TRIP11: variants seen among roughly 807,000 people sequenced by gnomAD.
TRIP11 encodes the protein thyroid receptor-interacting protein 11.
In TRIP11, 148 loss-of-function variants were observed where a neutral mutation model predicts 223.1. That is an observed-to-expected ratio of 0.66 (90% confidence interval 0.58 to 0.76). The LOEUF (loss-of-function observed/expected upper bound fraction) is 0.76, where lower values mean the gene tolerates loss of function less well. Among genes scored for constraint, TRIP11 ranks in the 30% least tolerant of loss-of-function variants. TRIP11 has a pLI of 0.00. For synonymous variants in TRIP11, 762 were observed against 772.6 expected, an observed-to-expected ratio of 0.99 and a Z score of 0.23; for missense variants, 2,043 against 2,222.0, an observed-to-expected ratio of 0.92 and a Z score of 1.62.
At chr14:92,017,294 C>T (rs1566867603) in intron 5 of TRIP11, among the ~76,000 whole-genome samples, 4 of 152,192 alleles carry the variant, frequency 2.6e-5, no homozygotes, top group East Asian at 1.9e-4. Context: ...GGAATCCCAG[C>T]GTTGTGGGAG....
Position 91,978,758 on chromosome 14 carries a change from CAA to C in TRIP11, c.5261-2571_5261-2570del, listed in dbSNP as rs1308001493. On this transcript the variant is annotated intron_variant, in intron 16 of 20. Coordinates refer to ENST00000267622, the MANE Select transcript of TRIP11 (RefSeq NM_004239.4). This position sits in a 1 kb window ranked among gnomAD's most constrained non-coding sequence, Gnocchi z 4.4. Reference sequence around the variant, plus strand: ...AAGTAATTCTCCTGCCATAGCCTTCCAAAATGTTGGGATTACAAGTGTGAGCC... The same window carrying C: ...AAGTAATTCTCCTGCCATAGCCTTCCAATGTTGGGATTACAAGTGTGAGCC... Among the ~76,000 whole-genome samples the C allele has an allele frequency of 1.3e-5, 2 of 152,104 alleles. No homozygotes were observed. Among genetic ancestry groups the C allele is most frequent in the Non-Finnish European group, 2.9e-5 (2 of 68,014 alleles).
In TRIP11 at chr14:92,035,585, A is replaced by ATTTAT. The variant is rs1555389786; in HGVS notation, c.140-2333_140-2332insATAAA. On this transcript the variant is annotated intron_variant, in intron 1 of 20. Coordinates refer to ENST00000267622, the MANE Select transcript of TRIP11 (RefSeq NM_004239.4). ...TCATTTTTTATTTATTTATTTATTT[A>ATTTAT]TTTTTTTTTTGAGACAGAGTCTCGC... is the stretch of plus-strand genomic sequence containing the variant. Among the ~76,000 whole-genome samples, 608 of 137,982 alleles carry ATTTAT rather than the reference A, an allele frequency of 4.4e-3. 6 individuals carry two copies. The highest frequency in any genetic ancestry group is 0.016 in the African/African-American group (587 of 37,070). 90.5% of individuals were successfully genotyped at this position (137,982 alleles called of 152,430 possible).
intron 1 of TRIP11, among the ~76,000 whole-genome samples, chr14:92,035,987 C>A (rs1039633576): frequency 6.6e-6 from 1 of 152,172 alleles, no homozygotes; most frequent in Non-Finnish European, 1.5e-5. Context: ...ACAGGTTGGA[C>A]AAGCTTGGTT....
In TRIP11 at chr14:92,021,715, T is replaced by C. The variant is rs772649812; in HGVS notation, c.429A>G (p.Ser143=). The C allele has an allele frequency of 6.2e-7, 1 of 1,614,208 alleles. No homozygotes were observed. The highest frequency in any genetic ancestry group is 1.7e-5 in the Admixed American group (1 of 60,024). Residue 143 remains serine, a synonymous_variant, in exon 4 of 21, where the codon TCA becomes TCG. Coordinates refer to ENST00000267622, the MANE Select transcript of TRIP11 (RefSeq NM_004239.4). Reference sequence around the variant, plus strand: ...GACTAATCCCATAAGCGAATGAAGATGATGCAGTGGTTGCTGGTACACCAG... The same window carrying C: ...GACTAATCCCATAAGCGAATGAAGACGATGCAGTGGTTGCTGGTACACCAG... ...SGAGVPATTA[S]SSFAYGISHH... is the part of the protein sequence containing the mutation.
intron 15 of TRIP11, among the ~76,000 whole-genome samples, chr14:91,992,883 T>C (rs1404385583): frequency 2.7e-5 from 3 of 112,566 alleles, no homozygotes; most frequent in Admixed American, 2.9e-4. Flanking sequence ...CACTCCAGCA[T>C]GGGCAACAGA....
intron 16 of TRIP11, among the ~76,000 whole-genome samples, chr14:91,983,934 CTTTTA>C (rs1159402894): frequency 6.6e-6 from 1 of 152,190 alleles, no homozygotes; most frequent in African/African-American, 2.4e-5. Context: ...TTTTAAGCTT[CTTTTA>C]TATCTGTAGC....
At chr14:92,038,170 G>A (rs1355260059) in intron 1 of TRIP11, among the ~76,000 whole-genome samples, 1 of 152,196 alleles carries the variant, frequency 6.6e-6, no homozygotes, top group Non-Finnish European at 1.5e-5. Context: ...AGGAAACTGA[G>A]AGTGAAGCTA....
intron 11 of TRIP11, 95 bp downstream of exon 11, chr14:92,003,324 C>T (rs1227232709): frequency 3.3e-6 from 5 of 1,496,626 alleles, no homozygotes; most frequent in Non-Finnish European, 4.6e-6. Context: ...TGAACAAATG[C>T]ACAGTCCCCT....
chr14:92,009,949 G>A (rs969587773), intron 9 of TRIP11, among the ~76,000 whole-genome samples: 1 of 152,166 alleles, frequency 6.6e-6, no homozygotes, highest in Non-Finnish European at 1.5e-5. Context: ...TGTACTATCC[G>A]AAGGTTTTCA....
chr14:92,039,732 C>T lies in TRIP11; in HGVS notation c.-47G>A. 1 of 1,582,082 alleles carries T rather than the reference C, an allele frequency of 6.3e-7. No individual in the cohort carries two copies. On this transcript the variant is annotated 5_prime_UTR_variant, in exon 1 of 21. Transcript: ENST00000267622. Reference sequence around the variant, plus strand: ...CCCGGTCCGCTCGGAAAAAAGAAAACGTTTAGCGCCGCCGGGCGATCCGAC... The same window carrying T: ...CCCGGTCCGCTCGGAAAAAAGAAAATGTTTAGCGCCGCCGGGCGATCCGAC...
chr14:91,972,412 C>T (rs2056411253), intron 20 of TRIP11, among the ~76,000 whole-genome samples: 1 of 152,214 alleles, frequency 6.6e-6, no homozygotes, highest in Admixed American at 6.5e-5. Context: ...AATTCCCCAT[C>T]ACTTCCAGAG....
intron 8 of TRIP11, among the ~76,000 whole-genome samples, chr14:92,011,420 G>A (rs2056970549): frequency 6.7e-6 from 1 of 149,300 alleles, no homozygotes; most frequent in Non-Finnish European, 1.5e-5. Context: ...GAACCTGGGA[G>A]GTGGAGGTTG....
intron 11 of TRIP11, among the ~76,000 whole-genome samples, chr14:92,002,234 T>A (rs1222432684): frequency 6.6e-6 from 1 of 152,182 alleles, no homozygotes; most frequent in Non-Finnish European, 1.5e-5. Context: ...CAGGAAATCC[T>A]CAATAATTCT....
At chr14:92,003,086 G>C (rs1227063319) in intron 11 of TRIP11, among the ~76,000 whole-genome samples, 2 of 152,122 alleles carry the variant, frequency 1.3e-5, no homozygotes, top group Non-Finnish European at 2.9e-5. Context: ...AATGTTAACA[G>C]CTACTGTAAT....
intron 13 of TRIP11, 58 bp downstream of exon 13, chr14:91,999,182 G>A (rs1418968685): frequency 1.9e-6 from 3 of 1,554,536 alleles, no homozygotes; most frequent in Admixed American, 3.4e-5. Flanking sequence ...AATACTTACT[G>A]AGTCTGATAT....
At chr14:92,010,790 C>T (rs559045270) in intron 9 of TRIP11, among the ~76,000 whole-genome samples, 196 bp downstream of exon 9, 2 of 152,008 alleles carry the variant, frequency 1.3e-5, no homozygotes, top group South Asian at 2.1e-4. Flanking sequence ...TTTCTAAATA[C>T]GAACTCAAGC....
chr14:92,010,059 C>T (rs977155698), intron 9 of TRIP11, among the ~76,000 whole-genome samples: 3 of 152,184 alleles, frequency 2.0e-5, no homozygotes, highest in African/African-American at 4.8e-5. Flanking sequence ...ATAATACTAG[C>T]TTACAACTCT....
In TRIP11 at chr14:92,039,553, C is replaced by T. The variant is rs775570860; in HGVS notation, c.133G>A (p.Val45Met). 3.1e-6 allele frequency: 5 copies of T among 1,613,882 alleles called. No homozygotes were observed. The highest frequency in any genetic ancestry group is 1.7e-4 in the Middle Eastern group (1 of 6,000). Residue 45 changes from valine (V) to methionine (M), a missense_variant, in exon 1 of 21, where the codon GTG becomes ATG. Physicochemically the swap from Val to Met is conservative, Grantham distance 21. Coordinates refer to ENST00000267622, the MANE Select transcript of TRIP11 (RefSeq NM_004239.4). ...KDMLMEGTEEVEAELPDSRTK... is the reference protein window; with the variant it reads ...KDMLMEGTEEMEAELPDSRTK... Reference sequence around the variant, plus strand: ...CCCTCGCTCCAGCTGTTACCTTCCACTTCCTCCGTGCCCTCCATCAGCATA... The same window carrying T: ...CCCTCGCTCCAGCTGTTACCTTCCATTTCCTCCGTGCCCTCCATCAGCATA...
rs2056378001 is a variant in TRIP11 at position 91,969,758 on chromosome 14, G to A, written c.5855C>T (p.Ser1952Leu). 6.2e-7 allele frequency: 1 copy of A among 1,614,056 alleles called. No homozygotes were observed. The highest frequency in any genetic ancestry group is 8.5e-7 in the Non-Finnish European group (1 of 1,180,040). Residue 1952 changes from serine (S) to leucine (L), a missense_variant, in exon 21 of 21, where the codon TCA becomes TTA. By Grantham distance (145) the Ser-to-Leu change is moderately radical (BLOSUM62 -2). Transcript: ENST00000267622. ...AGGTGTAAATGTGGGCAAAACATCT[G>A]AGATGGGTTTCAGAAGAAGATGCCC... ...GPGHLLLKPI[S>L]DVLPTFTPLP...
Sources: allele counts gnomAD v4.1 joint callset (sites outside exome capture counted in the v4.1 genomes callset), GRCh38; gene constraint gnomAD v4.1.1; non-coding constraint Gnocchi (gnomAD v3.1); transcripts MANE v1.5; gene names NCBI Gene and HGNC (gene_info 2026-07-23, HGNC 2026-07-21).